The following PDE4D variants were observed in gnomAD, a reference collection of about 807,000 sequenced individuals.
PDE4D encodes phosphodiesterase 4D, also known as 3',5'-cyclic-AMP phosphodiesterase 4D.
A neutral mutation model predicts 87.4 loss-of-function variants in PDE4D; 24 were observed. The observed-to-expected ratio is 0.27, with a 90% CI of 0.20 to 0.39. The LOEUF is 0.39. Among genes scored for constraint, PDE4D ranks in the 10% least tolerant of loss-of-function variants. The pLI is 1.00. For missense variants in PDE4D, 714 were observed against 1,041.0 expected, an observed-to-expected ratio of 0.69 and a Z score of 4.32; for synonymous variants, 384 against 383.2, an observed-to-expected ratio of 1.00 and a Z score of -0.02.
intron 5 of PDE4D, among the ~76,000 whole-genome samples, chr5:59,100,801 T>C (rs1440182655): frequency 6.6e-6 from 1 of 152,224 alleles, no homozygotes; most frequent in Non-Finnish European, 1.5e-5. Flanking sequence ...CTTTTGTTTT[T>C]CCAGTTAATC....
chr5:59,931,981 C>G (rs372151514), intron 3 of PDE4D, among the ~76,000 whole-genome samples: 47 of 152,208 alleles, frequency 3.1e-4, no homozygotes, highest in South Asian at 1.2e-3. Context: ...GATTACAGGC[C>G]TGAGCCACTG....
intron 1 of PDE4D, among the ~76,000 whole-genome samples, chr5:59,491,469 C>G (rs930488522): frequency 8.5e-5 from 13 of 152,132 alleles, no homozygotes; most frequent in Non-Finnish European, 1.5e-4. Flanking sequence ...GTGATTGATA[C>G]AATGCTAATT....
intron 1 of PDE4D, among the ~76,000 whole-genome samples, chr5:60,288,164 A>C (rs975577373): frequency 1.3e-5 from 2 of 152,214 alleles, no homozygotes; most frequent in African/African-American, 2.4e-5. Flanking sequence ...TAACTACTCC[A>C]AGCATTTTTC....
At chr5:59,045,159 G>T (rs772357772) in intron 5 of PDE4D, among the ~76,000 whole-genome samples, 17 of 152,210 alleles carry the variant, frequency 1.1e-4, no homozygotes, top group Non-Finnish European at 1.9e-4. Context: ...AGGGACAGAG[G>T]TGGAGTGGGA....
Position 60,329,281 on chromosome 5 carries a change from T to C in PDE4D, c.-89-143594A>G, listed in dbSNP as rs116640344. The stretch of plus-strand genomic sequence containing the variant: ...TACTTCCATGCAGTTCTTATAATGG[T>C]GAGTGAGTTCTCATGAGATCTGATG... On this transcript the variant is annotated intron_variant, in intron 1 of 16. Coordinates refer to the PDE4D transcript ENST00000502484. Among the ~76,000 whole-genome samples, 585 of 152,244 alleles carry C rather than the reference T, an allele frequency of 3.8e-3. 4 individuals are homozygous for C. Among genetic ancestry groups the C allele is most frequent in the African/African-American group, 0.014 (564 of 41,548 alleles).
intron 2 of PDE4D, among the ~76,000 whole-genome samples, chr5:59,203,438 A>G (rs1192032008): frequency 6.6e-6 from 1 of 152,198 alleles, no homozygotes; most frequent in Middle Eastern, 3.2e-3. Flanking sequence ...AGGGTCTTCA[A>G]AAAATTAAGG....
intron 1 of PDE4D, among the ~76,000 whole-genome samples, chr5:60,472,833 T>C (rs1747913820): frequency 6.6e-6 from 1 of 152,184 alleles, no homozygotes; most frequent in South Asian, 2.1e-4. Flanking sequence ...ATGAAATATT[T>C]ATGTAATTTA....
At chr5:60,259,320 G>T (rs1184565101) in intron 1 of PDE4D, among the ~76,000 whole-genome samples, 1 of 152,134 alleles carries the variant, frequency 6.6e-6, no homozygotes, top group Admixed American at 6.6e-5. Context: ...ATTGTACAAG[G>T]TGAACGATGA....
intron 2 of PDE4D, among the ~76,000 whole-genome samples, chr5:59,213,923 T>C (rs1229942868): frequency 6.6e-6 from 1 of 151,924 alleles, no homozygotes; most frequent in Non-Finnish European, 1.5e-5. Context: ...CCTTTGTTCC[T>C]CATCACCATG....
chr5:59,988,921 A>G (rs1762722010), intron 2 of PDE4D, among the ~76,000 whole-genome samples: 1 of 152,038 alleles, frequency 6.6e-6, no homozygotes, highest in African/African-American at 2.4e-5. Context: ...TTTGTTCACC[A>G]GGTGTGGCTT....
chr5:59,568,546 C>T (rs185016272), intron 1 of PDE4D, among the ~76,000 whole-genome samples: 227 of 152,022 alleles, frequency 1.5e-3, no homozygotes, highest in South Asian at 9.2e-3. Flanking sequence ...AAAACCTGAC[C>T]AAATCCACCT....
chr5:59,163,923 G>A (rs1406936728), intron 5 of PDE4D, among the ~76,000 whole-genome samples: 2 of 152,160 alleles, frequency 1.3e-5, no homozygotes, highest in Non-Finnish European at 2.9e-5. Context: ...CAGCTGCTGA[G>A]CTTTTTGTGG....
intron 5 of PDE4D, among the ~76,000 whole-genome samples, chr5:59,051,569 T>G (rs1473090788): frequency 6.6e-6 from 1 of 152,220 alleles, no homozygotes; most frequent in Non-Finnish European, 1.5e-5. Flanking sequence ...AATGACGTTT[T>G]GTGGTCAAAC....
At chr5:59,665,104 T>G (rs556364963) in intron 1 of PDE4D, among the ~76,000 whole-genome samples, 1 of 152,322 alleles carries the variant, frequency 6.6e-6, no homozygotes, top group South Asian at 2.1e-4. Context: ...ATGTCTCCAG[T>G]CAGACATGAA....
At chr5:59,862,339 TAAGA>T (rs1461307865) in intron 1 of PDE4D, among the ~76,000 whole-genome samples, 1 of 152,108 alleles carries the variant, frequency 6.6e-6, no homozygotes, top group Non-Finnish European at 1.5e-5. Flanking sequence ...ATTAGAAAAC[TAAGA>T]AAGAAAGAAG....
intron 5 of PDE4D, among the ~76,000 whole-genome samples, chr5:59,142,817 T>C (rs1778091999): frequency 1.3e-5 from 2 of 152,156 alleles, no homozygotes; most frequent in South Asian, 4.1e-4. Flanking sequence ...CTCGGGAGGC[T>C]GAGGCAGGAG....
intron 2 of PDE4D, among the ~76,000 whole-genome samples, chr5:60,001,898 A>AC (rs397693427): frequency 3.3e-5 from 5 of 150,238 alleles, no homozygotes; most frequent in African/African-American, 1.2e-4. Context: ...AAAAAAAAAA[A>AC]CTCTAATAGA....
At chr5:59,973,248 A>G (rs796434604) in intron 3 of PDE4D, among the ~76,000 whole-genome samples, 1 of 152,346 alleles carries the variant, frequency 6.6e-6, no homozygotes, top group African/African-American at 2.4e-5. Context: ...ATTTTCATTA[A>G]TAGAAATCAA....
chr5:59,494,499 T>G (rs1363144008), intron 1 of PDE4D, among the ~76,000 whole-genome samples: 1 of 152,106 alleles, frequency 6.6e-6, no homozygotes, highest in African/African-American at 2.4e-5. Flanking sequence ...ACCTAGAAAT[T>G]TATTTTCTGG....
Sources: allele counts gnomAD v4.1 joint callset (sites outside exome capture counted in the v4.1 genomes callset), GRCh38; gene constraint gnomAD v4.1.1; transcripts MANE v1.5; gene names NCBI Gene and HGNC (gene_info 2026-07-23, HGNC 2026-07-21).